The following PPP2R2B variants were observed in gnomAD, a reference collection of about 807,000 sequenced individuals.
The protein encoded by PPP2R2B is protein phosphatase 2 regulatory subunit Bbeta, also known as serine/threonine-protein phosphatase 2A 55 kDa regulatory subunit B beta isoform.
In PPP2R2B, 5 loss-of-function variants were observed where a neutral mutation model predicts 46.0. The observed-to-expected ratio is 0.11, with a 90% confidence interval of 0.06 to 0.23. The LOEUF (loss-of-function observed/expected upper bound fraction) is 0.23, where lower values mean the gene tolerates loss of function less well. Among genes scored for constraint, PPP2R2B ranks in the 10% least tolerant of loss-of-function variants. The pLI is 1.00. For missense variants in PPP2R2B, 367 were observed against 575.0 expected (o/e 0.64, Z 3.70); for synonymous variants, 215 against 206.7 (o/e 1.04, Z -0.34).
At chr5:146,726,989 T>C (rs1171119903) in intron 2 of PPP2R2B, among the ~76,000 whole-genome samples, 1 of 152,176 alleles carries the variant, frequency 6.6e-6, no homozygotes, top group Non-Finnish European at 1.5e-5. Context: ...AAGGGACAAC[T>C]GGAGGATTAC....
chr5:146,902,463 T>C (rs1762866011), intron 1 of PPP2R2B, among the ~76,000 whole-genome samples: 1 of 152,220 alleles, frequency 6.6e-6, no homozygotes. Context: ...CAACTACTTC[T>C]AATACAAATA....
intron 5 of PPP2R2B, among the ~76,000 whole-genome samples, chr5:146,652,139 G>T (rs1167546460): frequency 1.3e-5 from 2 of 152,180 alleles, no homozygotes; most frequent in Non-Finnish European, 2.9e-5. Context: ...AAGTGTGTGT[G>T]GCAGCGAATG....
At chr5:146,879,826 G>A (rs1287483518), upstream of PPP2R2B, among the ~76,000 whole-genome samples, 1 of 152,126 alleles carries the variant, frequency 6.6e-6, no homozygotes, top group Non-Finnish European at 1.5e-5. Flanking sequence ...AATTGGAAAC[G>A]ACATTTCCTA....
At chr5:146,628,972 C>T (rs1260234282) in intron 7 of PPP2R2B, among the ~76,000 whole-genome samples, 2 of 152,184 alleles carry the variant, frequency 1.3e-5, no homozygotes. Context: ...AAAGCCACCT[C>T]CTCCTTTCCC....
At chr5:146,715,864 G>T (rs1248929142) in intron 2 of PPP2R2B, among the ~76,000 whole-genome samples, 1 of 151,836 alleles carries the variant, frequency 6.6e-6, no homozygotes, top group African/African-American at 2.4e-5. Context: ...ACAGTTGTAG[G>T]TTTTACTTCT....
At chr5:146,865,296 AC>A (rs1761244447) in intron 2 of PPP2R2B, among the ~76,000 whole-genome samples, 8 of 44,636 alleles carry the variant, frequency 1.8e-4, no homozygotes, top group African/African-American at 8.6e-4. Flanking sequence ...TGTCTCTGAC[AC>A]ACACACACAC....
intron 1 of PPP2R2B, among the ~76,000 whole-genome samples, chr5:146,999,013 CAAAAA>C (rs60753702): frequency 3.1e-5 from 2 of 65,296 alleles, no homozygotes; most frequent in Non-Finnish European, 5.3e-5. Context: ...GACTCCATAT[CAAAAA>C]AAAAAAAAAA....
chr5:146,818,945 G>A (rs1037325955), intron 2 of PPP2R2B, among the ~76,000 whole-genome samples: 4 of 152,174 alleles, frequency 2.6e-5, no homozygotes, highest in Admixed American at 6.5e-5. Context: ...AGTACAGCAT[G>A]CTGTAAAGAT....
intron 1 of PPP2R2B, among the ~76,000 whole-genome samples, chr5:147,003,899 G>A (rs1561569883): frequency 6.6e-6 from 1 of 152,082 alleles, no homozygotes. Context: ...TCACTCGAGG[G>A]TCAATTGATT....
At chr5:146,712,236 A>G (rs2151182886) in intron 2 of PPP2R2B, among the ~76,000 whole-genome samples, 1 of 152,266 alleles carries the variant, frequency 6.6e-6, no homozygotes, top group Middle Eastern at 3.4e-3. Flanking sequence ...ATCACTTAGT[A>G]TTTTTTCTCT....
intron 5 of PPP2R2B, among the ~76,000 whole-genome samples, chr5:146,660,581 A>G (rs1327800222): frequency 2.6e-5 from 4 of 152,060 alleles, no homozygotes; most frequent in Non-Finnish European, 5.9e-5. Context: ...CCAGAATGAA[A>G]CTGCCACTCA....
At chr5:146,669,849 C>T (rs1174301823) in intron 5 of PPP2R2B, among the ~76,000 whole-genome samples, 1 of 152,158 alleles carries the variant, frequency 6.6e-6, no homozygotes, top group African/African-American at 2.4e-5. Flanking sequence ...CTGAACCTTA[C>T]AGAGAATGGT....
chr5:146,786,351 G>A (rs1755837464), intron 2 of PPP2R2B, among the ~76,000 whole-genome samples: 1 of 152,094 alleles, frequency 6.6e-6, no homozygotes, highest in Admixed American at 6.5e-5. Flanking sequence ...CATTATCATG[G>A]TTCACCCAGG....
At chr5:146,818,923 G>T (rs1758092869) in intron 2 of PPP2R2B, among the ~76,000 whole-genome samples, 1 of 152,104 alleles carries the variant, frequency 6.6e-6, no homozygotes, top group Non-Finnish European at 1.5e-5. Context: ...AAAAGTTTCT[G>T]ACCAAGGATA....
Position 146,878,049 on chromosome 5 carries a change from C to T in PPP2R2B, c.23G>A (p.Arg8His). 1.2e-6 allele frequency: 2 copies of T among 1,614,114 alleles called. No individual in the cohort carries two copies. Among genetic ancestry groups the T allele is most frequent in the South Asian group, 1.1e-5 (1 of 91,080 alleles). MEEDIDT[R>H]KINNSFLRDH... ...GCGCAGGAAACTGTTGTTGATTTTG[C>T]GGGTATCAATGTCCTCCTCCATTGA... Residue 8 changes from arginine to histidine, a missense_variant, in exon 2 of 10, where the codon CGC (arginine) becomes CAC (histidine). By Grantham distance (29) the Arg-to-His change is conservative. Around this residue, in one of 2 missense-constraint regions of PPP2R2B, gnomAD observed 361 missense variants for 545.5 expected, o/e 0.66. Coordinates refer to ENST00000394411, the MANE Select transcript of PPP2R2B (RefSeq NM_181675.4). The surrounding 1 kb of genome is among the most constrained non-coding windows in gnomAD (Gnocchi z 4.5).
Position 146,581,181 on chromosome 5 carries a change from C to T in PPP2R2B, c.*8766G>A, listed in dbSNP as rs778696258. 4 of 152,170 alleles carry T rather than the reference C, an allele frequency of 2.6e-5. No individual in the cohort carries two copies. Among genetic ancestry groups the T allele is most frequent in the Non-Finnish European group, 5.9e-5 (4 of 68,046 alleles). 9.4% of individuals were successfully genotyped at this position (152,170 alleles called of 1,614,324 possible). ...GAGGTTTAATTGGCTCATGGTTCCA[C>T]AGGCTGTACAGGAAGCATGGTGCTG... On this transcript the variant is annotated 3_prime_UTR_variant, in exon 10 of 10. Coordinates refer to ENST00000394411, the MANE Select transcript of PPP2R2B (RefSeq NM_181675.4).
At chr5:146,634,251 G>A (rs1166572154) in intron 7 of PPP2R2B, among the ~76,000 whole-genome samples, 4 of 152,170 alleles carry the variant, frequency 2.6e-5, no homozygotes, top group African/African-American at 9.7e-5. Context: ...GACTGCCTTC[G>A]AGCTGGAACA....
In PPP2R2B at chr5:146,757,760, C is replaced by G. The variant is rs148619116; in HGVS notation, c.71-56618G>C. Among the ~76,000 whole-genome samples the G allele has an allele frequency of 2.6e-4, 39 of 152,272 alleles. 1 individual carries two copies. Among genetic ancestry groups the G allele is most frequent in the African/African-American group, 9.4e-4 (39 of 41,544 alleles). ...CTGGTACTTAGACTATCCTGTGGAA[C>G]CAAACTGCAAGAAAGTTCCAGAAAT... On this transcript the variant is annotated intron_variant, in intron 2 of 9. Transcript: ENST00000394411.
At chr5:146,662,262 CA>C (rs1322920878) in intron 5 of PPP2R2B, among the ~76,000 whole-genome samples, 2 of 152,130 alleles carry the variant, frequency 1.3e-5, no homozygotes, top group Non-Finnish European at 2.9e-5. Context: ...TGGATAAACA[CA>C]AAGATGCATT....
Sources: allele counts gnomAD v4.1 joint callset (sites outside exome capture counted in the v4.1 genomes callset), GRCh38; gene constraint gnomAD v4.1.1; regional missense constraint gnomAD v4.1.1; non-coding constraint Gnocchi (gnomAD v3.1); transcripts MANE v1.5; gene names NCBI Gene and HGNC (gene_info 2026-07-23, HGNC 2026-07-21).